Variants in IL1RAPL2 observed in about 807,000 individuals in gnomAD.
The protein encoded by IL1RAPL2 is interleukin 1 receptor accessory protein like 2, also known as X-linked interleukin-1 receptor accessory protein-like 2.
IL1RAPL2 carries 3 observed loss-of-function variants against 44.1 expected under a neutral mutation model. That is an observed-to-expected ratio of 0.07 (90% CI 0.03 to 0.18). IL1RAPL2 has a LOEUF of 0.18. IL1RAPL2 is among the 10% of genes least tolerant of loss of function. IL1RAPL2 has a pLI of 1.00. For missense variants in IL1RAPL2, 391 were observed against 496.4 expected (o/e 0.79, Z 2.02); for synonymous variants, 181 against 178.8 (o/e 1.01, Z -0.10).
At chrX:105,391,813 C>A (rs1274807289) in intron 5 of IL1RAPL2, among the ~76,000 whole-genome samples, 1 of 78,617 alleles carries the variant, frequency 1.3e-5, no homozygotes, top group African/African-American at 5.0e-5. Flanking sequence ...TACTATGCAG[C>A]CATAAAAAAT....
At chrX:104,589,218 C>A (rs977732028) in intron 1 of IL1RAPL2, among the ~76,000 whole-genome samples, 1 of 111,753 alleles carries the variant, frequency 8.9e-6, no homozygotes, top group Non-Finnish European at 1.9e-5. Flanking sequence ...AGTATTAACT[C>A]ACATGATCAC....
At chrX:105,437,639 G>A (rs1461343033) in intron 5 of IL1RAPL2, among the ~76,000 whole-genome samples, 1 of 111,121 alleles carries the variant, frequency 9.0e-6, no homozygotes, top group African/African-American at 3.3e-5. Context: ...CTAAAACATG[G>A]CATTATTACC....
intron 2 of IL1RAPL2, among the ~76,000 whole-genome samples, chrX:105,150,979 A>T (rs2147589053): frequency 8.9e-6 from 1 of 112,275 alleles, no homozygotes; most frequent in African/African-American, 3.2e-5. Flanking sequence ...ATCCAAGGAG[A>T]TTGTTTAGGT....
intron 6 of IL1RAPL2, among the ~76,000 whole-genome samples, chrX:105,659,379 C>T (rs1188985893): frequency 2.7e-5 from 3 of 111,232 alleles, no homozygotes; most frequent in Non-Finnish European, 3.8e-5. Context: ...AGAATAGGGA[C>T]GGGCGCGGTG....
intron 2 of IL1RAPL2, among the ~76,000 whole-genome samples, chrX:104,853,262 A>G (rs1205192934): frequency 8.9e-6 from 1 of 111,788 alleles, no homozygotes; most frequent in Non-Finnish European, 1.9e-5. Flanking sequence ...AACGATAAGG[A>G]TGTAATCATA....
chrX:105,060,950 T>C (rs1569372011), intron 2 of IL1RAPL2, among the ~76,000 whole-genome samples: 2 of 111,346 alleles, frequency 1.8e-5, no homozygotes, highest in Non-Finnish European at 3.8e-5. Flanking sequence ...TTTCTTAGTC[T>C]GATTAAAGGT....
chrX:105,757,992 C>T (rs1319519028), intron 10 of IL1RAPL2, among the ~76,000 whole-genome samples: 3 of 111,000 alleles, frequency 2.7e-5, no homozygotes, highest in Non-Finnish European at 5.7e-5. Context: ...TGTATATGTG[C>T]TATTAAAGAA....
At chrX:105,712,344 G>A (rs190345142) in intron 6 of IL1RAPL2, among the ~76,000 whole-genome samples, 6 of 111,659 alleles carry the variant, frequency 5.4e-5, no homozygotes, top group Admixed American at 9.5e-5. Context: ...GGGGTGCTAC[G>A]CTGGGATTCA....
At chrX:104,942,131 C>T (rs1602838491) in intron 2 of IL1RAPL2, among the ~76,000 whole-genome samples, 1 of 111,793 alleles carries the variant, frequency 8.9e-6, no homozygotes, top group Non-Finnish European at 1.9e-5. Flanking sequence ...AGTCAGGTAG[C>T]ATGATGCCTC....
chrX:104,791,882 T>G (rs1932828190), intron 2 of IL1RAPL2, among the ~76,000 whole-genome samples: 1 of 111,292 alleles, frequency 9.0e-6, no homozygotes, highest in Non-Finnish European at 1.9e-5. Context: ...CTGATTTGAC[T>G]TTGGGTTTTC....
At chrX:104,909,544 G>C (rs1924157822) in intron 2 of IL1RAPL2, among the ~76,000 whole-genome samples, 1 of 111,696 alleles carries the variant, frequency 9.0e-6, no homozygotes, top group African/African-American at 3.3e-5. Flanking sequence ...CTTTCTGTTT[G>C]TTAGTTTTCC....
chrX:104,657,232 G>T (rs1008939905), intron 1 of IL1RAPL2, among the ~76,000 whole-genome samples: 6 of 111,139 alleles, frequency 5.4e-5, no homozygotes, highest in Non-Finnish European at 1.1e-4. Context: ...ATGTTACAAG[G>T]CTATAGTAAC....
At chrX:105,261,927 C>T (rs1603037431) in intron 4 of IL1RAPL2, among the ~76,000 whole-genome samples, 1 of 111,863 alleles carries the variant, frequency 8.9e-6, no homozygotes, top group East Asian at 2.8e-4. Flanking sequence ...CTCAGCTTCT[C>T]TCCCACCCAC....
chrX:105,327,261 C>T (rs6523836), intron 5 of IL1RAPL2, among the ~76,000 whole-genome samples: 12,465 of 111,315 alleles, frequency 0.11, 1,712 homozygotes, highest in African/African-American at 0.39. Context: ...TAGAGCCTTT[C>T]GTCAGTTACA....
intron 5 of IL1RAPL2, among the ~76,000 whole-genome samples, chrX:105,440,787 C>T (rs1272287867): frequency 2.7e-5 from 3 of 112,049 alleles, no homozygotes; most frequent in Non-Finnish European, 3.8e-5. Flanking sequence ...ATAATTCCCA[C>T]ATGTCAAGGG....
At chrX:105,048,324 G>C (rs1468145359) in intron 2 of IL1RAPL2, among the ~76,000 whole-genome samples, 1 of 112,035 alleles carries the variant, frequency 8.9e-6, no homozygotes, top group African/African-American at 3.2e-5. Flanking sequence ...GTATTTTCAT[G>C]CTTAATGAAC....
At chrX:104,777,050 CACATA>C (rs1932729941) in intron 2 of IL1RAPL2, among the ~76,000 whole-genome samples, 1 of 111,316 alleles carries the variant, frequency 9.0e-6, no homozygotes, top group South Asian at 3.8e-4. Flanking sequence ...TGGTAAAATA[CACATA>C]ACATAAAATG....
intron 2 of IL1RAPL2, among the ~76,000 whole-genome samples, chrX:104,897,892 G>C (rs748945749): frequency 3.6e-5 from 4 of 111,704 alleles, no homozygotes; most frequent in Non-Finnish European, 5.6e-5. Context: ...GTGAAGAAAA[G>C]TTTAAAGGCA....
chrX:105,239,044 A>G (rs1157742583), intron 4 of IL1RAPL2, among the ~76,000 whole-genome samples: 3 of 111,659 alleles, frequency 2.7e-5, no homozygotes, highest in African/African-American at 9.8e-5. Flanking sequence ...GAACCAAACC[A>G]ACTAAAATCA....
Sources: gnomAD v4.1 joint callset for allele counts (sites outside exome capture counted in the v4.1 genomes callset) on GRCh38, gnomAD v4.1.1 for gene constraint, MANE v1.5 for transcripts, NCBI Gene and HGNC (gene_info 2026-07-23, HGNC 2026-07-21) for gene names.